Variants in TRA2A observed in about 807,000 individuals in gnomAD.
TRA2A encodes the protein transformer-2 protein homolog alpha.
A neutral mutation model predicts 45.7 loss-of-function variants in TRA2A; 31 were observed. The observed-to-expected ratio is 0.68, with a 90% CI of 0.51 to 0.92. TRA2A has a LOEUF of 0.92. Among genes scored for constraint, TRA2A ranks in the 40% least tolerant of loss-of-function variants. The pLI is 0.00. For missense variants in TRA2A, 304 were observed against 367.5 expected (o/e 0.83, Z 1.41); for synonymous variants, 132 against 126.2 (o/e 1.05, Z -0.31).
chr7:23,508,850 C>G (rs776711193), intron 4 of TRA2A, among the ~76,000 whole-genome samples: 61 of 152,148 alleles, frequency 4.0e-4, no homozygotes, highest in Non-Finnish European at 6.9e-4. Context: ...TCTCTTAACT[C>G]GTGGCCTCAA....
At chr7:23,508,122 G>T (rs976314381) in intron 4 of TRA2A, among the ~76,000 whole-genome samples, 1 of 152,042 alleles carries the variant, frequency 6.6e-6, no homozygotes, top group South Asian at 2.1e-4. Flanking sequence ...AAGAAGAAAT[G>T]ATATAAACAG....
chr7:23,529,870 A>G (rs1226910351), intron 1 of TRA2A, among the ~76,000 whole-genome samples: 1 of 65,354 alleles, frequency 1.5e-5, no homozygotes, highest in Non-Finnish European at 3.2e-5. Context: ...TTTTTTTTTG[A>G]GACGGGAGTC....
Position 23,505,451 on chromosome 7 carries a change from T to G in TRA2A, c.*108A>C. ...TGTAGATGCTAAATAAACCAAAGTT[T>G]TTTTCTTAAGGAGTAGGAAGAATCC... On this transcript the variant is annotated 3_prime_UTR_variant, in exon 8 of 8. Transcript: ENST00000297071. The G allele has an allele frequency of 1.9e-6, 1 of 533,366 alleles. No individual in the cohort carries two copies. The allele number at this position is 533,366 out of a possible 1,614,324, so 33.0% of individuals were successfully genotyped here.
At chr7:23,531,597 AG>A (rs1562805290) in intron 1 of TRA2A, 191 bp downstream of exon 1, 4 of 616,160 alleles carry the variant, frequency 6.5e-6, no homozygotes, top group Non-Finnish European at 1.1e-5. Flanking sequence ...AAAAAGGGGG[AG>A]GGGTGTTATC....
At chr7:23,510,228 G>T (rs371524218) in intron 4 of TRA2A, among the ~76,000 whole-genome samples, 1 of 152,076 alleles carries the variant, frequency 6.6e-6, no homozygotes, top group African/African-American at 2.4e-5. Flanking sequence ...TCGTCACCCC[G>T]CTCCTTAAGT....
intron 4 of TRA2A, among the ~76,000 whole-genome samples, chr7:23,510,686 C>A (rs970850960): frequency 1.3e-5 from 2 of 152,044 alleles, no homozygotes; most frequent in Non-Finnish European, 2.9e-5. Flanking sequence ...GAGATAAACA[C>A]GTTTCACATT....
chr7:23,510,721 TAC>T (rs1789561950), intron 4 of TRA2A, among the ~76,000 whole-genome samples: 1 of 152,150 alleles, frequency 6.6e-6, no homozygotes, highest in South Asian at 2.1e-4. Context: ...ATAAAAAAAT[TAC>T]ACTGTTCTGG....
intron 3 of TRA2A, among the ~76,000 whole-genome samples, chr7:23,515,813 T>C (rs911473393): frequency 6.6e-6 from 1 of 151,204 alleles, no homozygotes; most frequent in Non-Finnish European, 1.5e-5. Flanking sequence ...CCCAAAGTGC[T>C]GGGATTACAG....
intron 1 of TRA2A, among the ~76,000 whole-genome samples, chr7:23,528,214 T>G (rs1183685484): frequency 6.6e-6 from 1 of 151,660 alleles, no homozygotes; most frequent in Non-Finnish European, 1.5e-5. Flanking sequence ...TCTGTGTTTT[T>G]TTTTGTTTTG....
At chr7:23,528,775 C>A (rs1012373430) in intron 1 of TRA2A, among the ~76,000 whole-genome samples, 2 of 151,702 alleles carry the variant, frequency 1.3e-5, no homozygotes, top group East Asian at 1.9e-4. Context: ...TTAAGCAATT[C>A]TCCCACCTCA....
chr7:23,530,769 T>C (rs1240581346), intron 1 of TRA2A, among the ~76,000 whole-genome samples: 1 of 152,154 alleles, frequency 6.6e-6, no homozygotes, highest in East Asian at 1.9e-4. Context: ...CGGTGGGGGA[T>C]AGAGTGAGAA....
chr7:23,526,973 A>T (rs1790364836), intron 1 of TRA2A, among the ~76,000 whole-genome samples: 1 of 152,164 alleles, frequency 6.6e-6, no homozygotes, highest in African/African-American at 2.4e-5. Flanking sequence ...TAAAATTTAT[A>T]ATCTTTTGTA....
At chr7:23,515,257 T>G (rs918008218) in intron 3 of TRA2A, among the ~76,000 whole-genome samples, 8 of 132,586 alleles carry the variant, frequency 6.0e-5, no homozygotes, top group African/African-American at 2.4e-4. Context: ...TGAGACGGAG[T>G]CTCGCTCTGT....
intron 1 of TRA2A, among the ~76,000 whole-genome samples, chr7:23,526,365 A>G (rs1158858620): frequency 6.6e-6 from 1 of 152,238 alleles, no homozygotes; most frequent in Non-Finnish European, 1.5e-5. Context: ...CTATGAGTAT[A>G]AGCTTGTAAA....
chr7:23,522,030 C>T (rs1244067182), intron 1 of TRA2A, 190 bp from the exon 2 acceptor site: 4 of 1,400,290 alleles, frequency 2.9e-6, no homozygotes, highest in African/African-American at 2.9e-5. Context: ...TAATTCCCTA[C>T]TTGAACCAGA....
In TRA2A at chr7:23,517,503, A is replaced by AAAAAAAAAAAAAAAAAAAAAAAAG. The variant is rs764849438; in HGVS notation, c.171-976_171-975insCTTTTTTTTTTTTTTTTTTTTTTT. Among the ~76,000 whole-genome samples the AAAAAAAAAAAAAAAAAAAAAAAAG allele has an allele frequency of 2.5e-4, 29 of 116,242 alleles. 3 individuals carry two copies. The highest frequency in any genetic ancestry group is 3.9e-4 in the African/African-American group (12 of 30,884). The allele number at this position is 116,242 out of a possible 152,430, so 76.3% of individuals were successfully genotyped here. A position where few individuals can be genotyped will look rare whatever the true frequency, so the allele number is the denominator to read the frequency against. On this transcript the variant is annotated intron_variant, in intron 2 of 7. Transcript: ENST00000297071. Reference sequence around the variant, plus strand: ...AAAAAAAAAAAAAAAAAAAAAAAAAAAGAGAGAAAGAAAGAAAAATCACTT... The same window carrying AAAAAAAAAAAAAAAAAAAAAAAAG: ...AAAAAAAAAAAAAAAAAAAAAAAAAAAAAAAAAAAAAAAAAAAAAAAAAGAGAGAGAAAGAAAGAAAAATCACTT...
At chr7:23,507,624 C>T (rs1789404292) in intron 4 of TRA2A, 89 bp from the exon 5 acceptor site, 1 of 897,214 alleles carries the variant, frequency 1.1e-6, no homozygotes, top group Non-Finnish European at 1.8e-6. Flanking sequence ...ATATGTAATC[C>T]AAATAAACTC....
At chr7:23,521,271 G>A (rs1790123072) in intron 2 of TRA2A, among the ~76,000 whole-genome samples, 1 of 152,206 alleles carries the variant, frequency 6.6e-6, no homozygotes, top group Non-Finnish European at 1.5e-5. Context: ...TAAATTACAT[G>A]TGAGACTCCA....
intron 3 of TRA2A, among the ~76,000 whole-genome samples, chr7:23,515,332 C>G (rs1488700379): frequency 6.7e-6 from 1 of 148,634 alleles, no homozygotes; most frequent in Non-Finnish European, 1.5e-5. Context: ...CGGGTTCACA[C>G]CATTCTCCTG....
Sources: gnomAD v4.1 joint callset for allele counts (sites outside exome capture counted in the v4.1 genomes callset) on GRCh38, gnomAD v4.1.1 for gene constraint, MANE v1.5 for transcripts, NCBI Gene and HGNC (gene_info 2026-07-23, HGNC 2026-07-21) for gene names.